The following COL4A4 variants were observed in gnomAD, a reference collection of about 807,000 sequenced individuals.
The protein encoded by COL4A4 is collagen type IV alpha 4 chain, also known as collagen alpha-4(IV) chain.
COL4A4 carries 105 observed loss-of-function variants against 192.9 expected under a neutral mutation model. The observed-to-expected ratio is 0.54, with a 90% CI of 0.46 to 0.64. The LOEUF (loss-of-function observed/expected upper bound fraction) is 0.64, where lower values mean the gene tolerates loss of function less well. COL4A4 is among the 30% of genes least tolerant of loss of function. The probability of loss-of-function intolerance (pLI) is 0.00; values close to 1 mark genes in which losing one functional copy is unlikely to be tolerated. For missense variants in COL4A4, 1,967 were observed against 2,169.3 expected, an observed-to-expected ratio of 0.91 and a Z score of 1.85; for synonymous variants, 762 against 769.9, an observed-to-expected ratio of 0.99 and a Z score of 0.17.
rs1384562258 is a variant in COL4A4, at chr2:227,051,028, G to A, written c.3099C>T (p.Gly1033=). ...PGPPGPPGPP[G]STGLRGFIGF... Reference sequence around the variant, plus strand: ...CAATGAACCCTCTTAGACCAGTTGAGCCTGGAGGGCCTGGGGGTCCAGGAG... The same window carrying A: ...CAATGAACCCTCTTAGACCAGTTGAACCTGGAGGGCCTGGGGGTCCAGGAG... The change falls in exon 33 of 48, where the codon GGC becomes GGT. Residue 1033 remains glycine (G), a synonymous_variant. Transcript: ENST00000396625. 6.2e-7 allele frequency: 1 copy of A among 1,614,232 alleles called. No individual in the cohort carries two copies. Among genetic ancestry groups the A allele is most frequent in the Admixed American group, 1.7e-5 (1 of 60,032 alleles).
At chr2:227,138,411 A>C (rs1576798896) in intron 4 of COL4A4, among the ~76,000 whole-genome samples, 1 of 152,120 alleles carries the variant, frequency 6.6e-6, no homozygotes, top group African/African-American at 2.4e-5. Flanking sequence ...AGGCTGGCGG[A>C]TCATGAGGTC....
At chr2:227,102,972 A>G (rs1011239962) in intron 14 of COL4A4, 124 bp from the exon 15 acceptor site, 1 of 1,168,968 alleles carries the variant, frequency 8.6e-7, no homozygotes. Context: ...AGCAGCTTAA[A>G]GAAAACAACT....
At chr2:227,044,573 T>A (rs1972061948) in intron 35 of COL4A4, among the ~76,000 whole-genome samples, 2 of 151,972 alleles carry the variant, frequency 1.3e-5, no homozygotes, top group South Asian at 4.1e-4. Flanking sequence ...ATTCCTACAG[T>A]AAAGTAGCAT....
chr2:227,100,637 A>G (rs1404894666), intron 17 of COL4A4, among the ~76,000 whole-genome samples: 1 of 152,066 alleles, frequency 6.6e-6, no homozygotes, highest in South Asian at 2.1e-4. Flanking sequence ...TTGGTAGCCT[A>G]GGGGTTCTGA....
At position 227,066,717 on chromosome 2, in the gene COL4A4, C is replaced by A. The variant is rs917830277; in HGVS notation, c.1988-4119G>T. On this transcript the variant is annotated intron_variant, in intron 25 of 47. Coordinates refer to ENST00000396625, the MANE Select transcript of COL4A4 (RefSeq NM_000092.5). Reference sequence around the variant, plus strand: ...GCCCTAAAAGAGCTCCTGAAGGAAGCGCTAAACATGGAAAGGAACAACCGG... The same window carrying A: ...GCCCTAAAAGAGCTCCTGAAGGAAGAGCTAAACATGGAAAGGAACAACCGG... 4.8e-3 allele frequency among the ~76,000 whole-genome samples: 713 copies of A among 149,844 alleles called. 6 individuals carry two copies. Among genetic ancestry groups the A allele is most frequent in the Middle Eastern group, 6.8e-3 (2 of 292 alleles).
intron 44 of COL4A4, among the ~76,000 whole-genome samples, chr2:227,014,984 C>T (rs1471258983): frequency 1.3e-5 from 2 of 151,316 alleles, no homozygotes; most frequent in Non-Finnish European, 2.9e-5. Context: ...CTGCAACCTC[C>T]GCCTCTCAGG....
intron 4 of COL4A4, among the ~76,000 whole-genome samples, chr2:227,131,063 T>C (rs888765707): frequency 1.3e-5 from 2 of 152,162 alleles, no homozygotes; most frequent in Non-Finnish European, 2.9e-5. Context: ...CAGATCATCT[T>C]ATAACATAAA....
chr2:227,069,510 C>T (rs1196452430), intron 25 of COL4A4, among the ~76,000 whole-genome samples: 1 of 151,388 alleles, frequency 6.6e-6, no homozygotes, highest in East Asian at 1.9e-4. Context: ...GGTACTGGTA[C>T]CAAAACAGAG....
chr2:226,984,180 C>T, the COL4A4 span, among the ~76,000 whole-genome samples: 2 of 152,272 alleles, frequency 1.3e-5, no homozygotes, highest in Non-Finnish European at 2.9e-5. Context: ...CCAGCACCTG[C>T]TGAACTACCA....
the COL4A4 span, among the ~76,000 whole-genome samples, chr2:226,995,257 T>C: frequency 1.3e-5 from 2 of 152,224 alleles, no homozygotes; most frequent in Non-Finnish European, 2.9e-5. Context: ...AAATATTTAC[T>C]TGACGTTGAA....
chr2:227,130,758 T>C (rs577615311), intron 4 of COL4A4, among the ~76,000 whole-genome samples: 2 of 152,342 alleles, frequency 1.3e-5, no homozygotes, highest in African/African-American at 4.8e-5. Flanking sequence ...CCTGGACTCA[T>C]GATCGCCCCT....
chr2:227,031,041 AGATGGATG>A (rs58038992), intron 40 of COL4A4, among the ~76,000 whole-genome samples: 7 of 146,238 alleles, frequency 4.8e-5, no homozygotes, highest in East Asian at 2.0e-4. Flanking sequence ...TTGGATGGAC[AGATGGATG>A]GATGGATGGA....
In COL4A4 at chr2:227,080,692, T is replaced by A. The variant is rs146260443; in HGVS notation, c.1697-143A>T. On this transcript the variant is annotated intron_variant, in intron 23 of 47. Coordinates refer to ENST00000396625, the MANE Select transcript of COL4A4 (RefSeq NM_000092.5). ...TCAATTGCTCAAGTCACATAAAACA[T>A]GCCAAAGCCAGAGGGGAGAATGACA... 1.0e-5 allele frequency: 7 copies of A among 698,912 alleles called. No homozygotes were observed. The African/African-American group carries it at 1.3e-4, about 12-fold the overall frequency. 43.3% of individuals were successfully genotyped at this position (698,912 alleles called of 1,614,324 possible). A position where few individuals can be genotyped will look rare whatever the true frequency, so the allele number is the denominator to read the frequency against.
intron 37 of COL4A4, among the ~76,000 whole-genome samples, chr2:227,041,702 GAGAAGGAAGGAAGGGAGGAGGA>G (rs1559474887): frequency 7.5e-5 from 10 of 133,330 alleles, no homozygotes; most frequent in African/African-American, 2.2e-4. Context: ...GAGAGAGAGA[GAGAAGGAAGGAAGGGAGGAGGA>G]AGGAAGGAAG....
chr2:227,143,428 C>T (rs1013098890), intron 3 of COL4A4, among the ~76,000 whole-genome samples: 2 of 152,156 alleles, frequency 1.3e-5, no homozygotes, highest in African/African-American at 4.8e-5. Flanking sequence ...CCACAGACAT[C>T]GCATCGATTT....
rs1192300583 is a variant in COL4A4 at position 227,062,610 on chromosome 2, A to C, written c.1988-12T>G. 1 of 1,606,412 alleles carries C rather than the reference A, an allele frequency of 6.2e-7. No individual in the cohort carries two copies. The highest frequency in any genetic ancestry group is 1.7e-5 in the Admixed American group (1 of 59,988). ...AGAAATTGTGTCACCTGCAATGAGAAAAGAAAAGCGGCATTCACATAACTG... is the reference window on the plus strand; with the variant it reads ...AGAAATTGTGTCACCTGCAATGAGACAAGAAAAGCGGCATTCACATAACTG... On this transcript the variant is annotated splice_polypyrimidine_tract_variant and intron_variant, in intron 25 of 47. Transcript: ENST00000396625.
intron 4 of COL4A4, among the ~76,000 whole-genome samples, chr2:227,133,144 C>T (rs1030635502): frequency 5.3e-5 from 8 of 152,166 alleles, no homozygotes; most frequent in African/African-American, 1.9e-4. Context: ...CTGGGTCACA[C>T]AGTTTGGCAG....
intron 33 of COL4A4, 21 bp downstream of exon 33, chr2:227,050,956 C>T (rs1271816348): frequency 1.2e-6 from 2 of 1,614,120 alleles, no homozygotes; most frequent in Admixed American, 1.7e-5. Context: ...TCTCTTCCCC[C>T]ACAAAGCAGT....
rs1325788599 is a variant in COL4A4, at chr2:227,077,712, AAGG to A, written c.1987+179_1987+181del. Among the ~76,000 whole-genome samples, 4 of 150,932 alleles carry A rather than the reference AAGG, an allele frequency of 2.7e-5. No homozygotes were observed. In the East Asian group the frequency reaches 5.8e-4, roughly 22 times the overall value. On this transcript the variant is annotated intron_variant, in intron 25 of 47. Transcript: ENST00000396625. ...CTTGAATACTGAGAAAAAAAAAAAG[AAGG>A]AGGAGGGAGGAAAGGGGTCTAGGGA...
Sources: allele counts gnomAD v4.1 joint callset (sites outside exome capture counted in the v4.1 genomes callset), GRCh38; gene constraint gnomAD v4.1.1; transcripts MANE v1.5; gene names NCBI Gene and HGNC (gene_info 2026-07-23, HGNC 2026-07-21).